PALM2AKAP2: variants seen among roughly 807,000 people sequenced by gnomAD.
PALM2AKAP2 encodes the protein PALM2 and AKAP2 fusion.
Under a neutral mutation model 71.5 loss-of-function variants are expected in PALM2AKAP2, and 37 were observed. That is an observed-to-expected ratio of 0.52 (90% confidence interval 0.40 to 0.68). PALM2AKAP2 has a LOEUF of 0.68. PALM2AKAP2 is among the 30% of genes least tolerant of loss of function. The pLI is 0.00. For missense variants in PALM2AKAP2, 1,224 were observed against 1,191.8 expected (o/e 1.03, Z -0.40); for synonymous variants, 468 against 478.8 (o/e 0.98, Z 0.29).
At chr9:110,035,473 T>C (rs1833378121) in intron 7 of PALM2AKAP2, among the ~76,000 whole-genome samples, 1 of 144,626 alleles carries the variant, frequency 6.9e-6, no homozygotes, top group African/African-American at 2.6e-5. Context: ...ATATATATGA[T>C]ATGTTGTGTG....
intron 1 of PALM2AKAP2, among the ~76,000 whole-genome samples, chr9:109,866,748 T>A (rs1209616242): frequency 6.6e-6 from 1 of 152,198 alleles, no homozygotes; most frequent in African/African-American, 2.4e-5. Context: ...ATGCAGTTAT[T>A]ATCTCCACTT....
chr9:109,901,220 C>G (rs1304480903), intron 3 of PALM2AKAP2, among the ~76,000 whole-genome samples: 2 of 152,200 alleles, frequency 1.3e-5, no homozygotes, highest in Admixed American at 6.5e-5. Flanking sequence ...AGGAGTTGGA[C>G]TGCTAAATGG....
At chr9:110,096,737 G>A (rs1834848800) in intron 1 of PALM2AKAP2, among the ~76,000 whole-genome samples, 1 of 151,572 alleles carries the variant, frequency 6.6e-6, no homozygotes, top group Admixed American at 6.6e-5. Context: ...ACAGTCTAGT[G>A]GTCTTTCTGC....
chr9:109,878,030 T>C (rs1043275115), intron 2 of PALM2AKAP2, among the ~76,000 whole-genome samples: 3 of 152,214 alleles, frequency 2.0e-5, no homozygotes, highest in African/African-American at 7.2e-5. Context: ...ACAGGGTCTG[T>C]CGGGGAAATT....
chr9:109,902,564 T>C (rs1328127121), intron 3 of PALM2AKAP2, among the ~76,000 whole-genome samples: 1 of 152,256 alleles, frequency 6.6e-6, no homozygotes, highest in African/African-American at 2.4e-5. Flanking sequence ...CTTTGTTAGG[T>C]GAGATGTGTC....
chr9:110,168,468 G>C, exon 4 of PALM2AKAP2: 1 of 1,614,180 alleles, frequency 6.2e-7, no homozygotes, highest in Non-Finnish European at 8.5e-7. Context: ...AGGGATCTAT[G>C]CCAACCAGGA....
chr9:110,113,842 A>G (rs1036987177), intron 1 of PALM2AKAP2, among the ~76,000 whole-genome samples: 1 of 152,144 alleles, frequency 6.6e-6, no homozygotes, highest in African/African-American at 2.4e-5. Flanking sequence ...CCTGTCTACA[A>G]GTTTTAAAAA....
At chr9:110,170,419 A>G (rs1836833691) in exon 4 of PALM2AKAP2, 1 of 152,614 alleles carries the variant, frequency 6.6e-6, no homozygotes, top group Non-Finnish European at 1.5e-5. Flanking sequence ...CTTTTATTAG[A>G]CTAGTGTTGA....
intron 3 of PALM2AKAP2, among the ~76,000 whole-genome samples, chr9:109,920,121 G>T (rs1485771748): frequency 6.6e-6 from 1 of 152,154 alleles, no homozygotes; most frequent in Non-Finnish European, 1.5e-5. Flanking sequence ...ATTGGAAGGG[G>T]TGCAAGAGGA....
chr9:109,846,458 C>G (rs187111899), intron 1 of PALM2AKAP2, among the ~76,000 whole-genome samples: 1 of 152,206 alleles, frequency 6.6e-6, no homozygotes, highest in East Asian at 1.9e-4. Context: ...ACACTTAGCC[C>G]TCACCAAGCT....
chr9:110,044,883 C>T (rs886870346), upstream of PALM2AKAP2, among the ~76,000 whole-genome samples: 1 of 152,104 alleles, frequency 6.6e-6, no homozygotes, highest in Non-Finnish European at 1.5e-5. Context: ...TTCTACTGTT[C>T]TCTAAGTTTG....
intron 6 of PALM2AKAP2, among the ~76,000 whole-genome samples, chr9:109,983,430 C>T (rs1464625853): frequency 6.6e-6 from 1 of 152,100 alleles, no homozygotes; most frequent in African/African-American, 2.4e-5. Context: ...TTCCTTCTCA[C>T]CCCACTCCTC....
At chr9:109,704,381 T>C (rs1236444515) in intron 1 of PALM2AKAP2, among the ~76,000 whole-genome samples, 1 of 152,202 alleles carries the variant, frequency 6.6e-6, no homozygotes, top group East Asian at 1.9e-4. Flanking sequence ...AGATGAGCCA[T>C]AGACTGTAAA....
intron 6 of PALM2AKAP2, among the ~76,000 whole-genome samples, chr9:109,973,585 AT>A (rs1297129018): frequency 2.0e-5 from 3 of 152,240 alleles, no homozygotes; most frequent in Admixed American, 2.0e-4. Context: ...TCCTCCTCCC[AT>A]AGAGCAGCAC....
intron 1 of PALM2AKAP2, among the ~76,000 whole-genome samples, chr9:109,784,140 AG>A (rs1671564340): frequency 6.6e-6 from 1 of 152,376 alleles, no homozygotes; most frequent in South Asian, 2.1e-4. Context: ...AAACAGCATG[AG>A]TGAGAATGGT....
Position 110,137,975 on chromosome 9 carries a change from C to T in PALM2AKAP2, c.2005C>T (p.Gln669Ter). The change falls in exon 2 of 4, where the codon CAA (glutamine) becomes TAA (stop). Residue 669 changes from glutamine to a stop codon, truncating the protein, a stop_gained. Transcript: ENST00000374525. LOFTEE classifies it high-confidence loss of function. ...CCTCCTGGTGCAGAATGCCATTCAA[C>T]AAGCCATAGCCGAGCAGGTGGATAA... is the stretch of plus-strand genomic sequence containing the variant. The T allele has an allele frequency of 6.2e-7, 1 of 1,612,828 alleles. No homozygotes were observed.
At chr9:109,870,539 A>G (rs1829577040) in intron 2 of PALM2AKAP2, among the ~76,000 whole-genome samples, 1 of 152,168 alleles carries the variant, frequency 6.6e-6, no homozygotes, top group African/African-American at 2.4e-5. Context: ...CATACCCTCA[A>G]TAATGACCAC....
chr9:109,873,226 G>T (rs1192644120), intron 2 of PALM2AKAP2, among the ~76,000 whole-genome samples: 3 of 152,172 alleles, frequency 2.0e-5, no homozygotes, highest in Admixed American at 2.0e-4. Context: ...ACTTTGGGAG[G>T]CCAAGGCGGG....
chr9:109,940,571 G>A (rs924191375), intron 6 of PALM2AKAP2, among the ~76,000 whole-genome samples: 1 of 152,128 alleles, frequency 6.6e-6, no homozygotes, highest in Non-Finnish European at 1.5e-5. Flanking sequence ...AGATAGTTTG[G>A]ATCTTCTTAA....
Sources: gnomAD v4.1 joint callset for allele counts (sites outside exome capture counted in the v4.1 genomes callset) on GRCh38, gnomAD v4.1.1 for gene constraint, MANE v1.5 for transcripts, NCBI Gene and HGNC (gene_info 2026-07-23, HGNC 2026-07-21) for gene names.